DENND1B: variants seen among roughly 807,000 people sequenced by gnomAD.
DENND1B encodes the protein DENN domain containing 1B.
Under a neutral mutation model 90.1 loss-of-function variants are expected in DENND1B, and 59 were observed. The ratio of observed to expected loss-of-function variants is 0.65; its 90% confidence interval spans 0.53 to 0.81. The LOEUF (loss-of-function observed/expected upper bound fraction) is 0.81. DENND1B is among the 40% of genes least tolerant of loss of function. The pLI, the probability that DENND1B is intolerant of heterozygous loss-of-function variation, is 0.00. For synonymous variants in DENND1B, 337 were observed against 324.6 expected (o/e 1.04, Z -0.41); for missense variants, 862 against 912.6 (o/e 0.94, Z 0.71).
At chr1:197,702,111 C>A (rs1352653584) in intron 3 of DENND1B, among the ~76,000 whole-genome samples, 1 of 152,032 alleles carries the variant, frequency 6.6e-6, no homozygotes, top group East Asian at 1.9e-4. Context: ...TGACTAACTT[C>A]TAGAGAGAAA....
intron 18 of DENND1B, among the ~76,000 whole-genome samples, chr1:197,545,013 C>T (rs1408210735): frequency 1.0e-3 from 19 of 18,472 alleles, no homozygotes; most frequent in African/African-American, 7.3e-4. Flanking sequence ...ACGACGACGA[C>T]GACGACGAAA....
At position 197,765,656 on chromosome 1, in the gene DENND1B, G is replaced by A. The variant is rs1300051752; in HGVS notation, c.82+7212C>T. Reference sequence around the variant, plus strand: ...AACAAACTTGCACTGTGGCAACACAGCAGTGACAAAACAACAGTCTTAAAG... The same window carrying A: ...AACAAACTTGCACTGTGGCAACACAACAGTGACAAAACAACAGTCTTAAAG... On this transcript the variant is annotated intron_variant, in intron 2 of 22. Transcript: ENST00000620048. Among the ~76,000 whole-genome samples, 5 of 152,328 alleles carry A rather than the reference G, an allele frequency of 3.3e-5. No homozygotes were observed. The South Asian group carries it at 6.2e-4, about 19-fold the overall frequency.
intron 2 of DENND1B, among the ~76,000 whole-genome samples, chr1:197,766,072 G>T: frequency 6.6e-6 from 1 of 152,142 alleles, no homozygotes; most frequent in African/African-American, 2.4e-5. Context: ...TTCCTGGCTA[G>T]CAGTGCAAAA....
chr1:197,720,138 G>A (rs1401695601), intron 2 of DENND1B, among the ~76,000 whole-genome samples: 4 of 152,030 alleles, frequency 2.6e-5, no homozygotes, highest in Admixed American at 6.6e-5. Flanking sequence ...CTTTTTTGAC[G>A]TGTGCTATTT....
chr1:197,654,675 A>G (rs1653620324), intron 6 of DENND1B, among the ~76,000 whole-genome samples: 1 of 151,992 alleles, frequency 6.6e-6, no homozygotes. Flanking sequence ...CCAAAAGTCC[A>G]GTTACCTTTG....
At chr1:197,668,866 T>C (rs1361658478) in intron 5 of DENND1B, among the ~76,000 whole-genome samples, 1 of 152,094 alleles carries the variant, frequency 6.6e-6, no homozygotes. Context: ...TTATACCATT[T>C]TTTAGTCCTA....
chr1:197,545,008 GACGACGACGACGAA>G (rs1489517930), intron 18 of DENND1B, among the ~76,000 whole-genome samples: 10 of 39,178 alleles, frequency 2.6e-4, no homozygotes, highest in South Asian at 1.2e-3. Context: ...GGAAGACGAC[GACGACGACGACGAA>G]AGAAGGAGGA....
At chr1:197,748,218 T>C (rs1309627306) in intron 2 of DENND1B, among the ~76,000 whole-genome samples, 1 of 105,680 alleles carries the variant, frequency 9.5e-6, no homozygotes, top group Non-Finnish European at 1.8e-5. Flanking sequence ...ATATTCAGCG[T>C]GTAACAAAAA....
intron 9 of DENND1B, among the ~76,000 whole-genome samples, chr1:197,644,412 T>C (rs370261686): frequency 6.6e-6 from 1 of 152,220 alleles, no homozygotes. Flanking sequence ...ATGTGACATT[T>C]GTTAAATCAA....
chr1:197,625,936 T>C (rs1418580232), intron 10 of DENND1B, among the ~76,000 whole-genome samples: 2 of 152,124 alleles, frequency 1.3e-5, no homozygotes, highest in Non-Finnish European at 2.9e-5. Context: ...GGCCATTACA[T>C]AATGGCAAAG....
intron 3 of DENND1B, among the ~76,000 whole-genome samples, chr1:197,678,849 C>T (rs1044802348): frequency 2.0e-5 from 3 of 151,946 alleles, no homozygotes; most frequent in East Asian, 1.9e-4. Context: ...CATCCATGTC[C>T]CTTGGAGAAT....
intron 20 of DENND1B, among the ~76,000 whole-genome samples, chr1:197,517,782 C>T (rs1228389822): frequency 1.3e-5 from 2 of 151,858 alleles, no homozygotes; most frequent in East Asian, 1.9e-4. Flanking sequence ...GCTTCACCTG[C>T]CATAAAGATG....
At chr1:197,716,518 T>C (rs1249021559) in intron 2 of DENND1B, among the ~76,000 whole-genome samples, 1 of 151,806 alleles carries the variant, frequency 6.6e-6, no homozygotes, top group Non-Finnish European at 1.5e-5. Context: ...TGGATAATTA[T>C]ATTCCCAATT....
intron 16 of DENND1B, among the ~76,000 whole-genome samples, chr1:197,550,631 G>T (rs947595402): frequency 6.7e-6 from 1 of 148,156 alleles, no homozygotes; most frequent in Middle Eastern, 3.4e-3. Flanking sequence ...ATGGACACAG[G>T]AAGGGGAACA....
At chr1:197,599,502 G>A (rs1169179952) in intron 13 of DENND1B, among the ~76,000 whole-genome samples, 1 of 151,672 alleles carries the variant, frequency 6.6e-6, no homozygotes, top group Non-Finnish European at 1.5e-5. Context: ...TAACTAAACT[G>A]CTCTCTAAAA....
intron 5 of DENND1B, among the ~76,000 whole-genome samples, chr1:197,662,908 T>C (rs1654560126): frequency 6.6e-6 from 1 of 152,090 alleles, no homozygotes; most frequent in South Asian, 2.1e-4. Context: ...AGTTTGTTCA[T>C]AGGGGCAAAT....
intron 20 of DENND1B, among the ~76,000 whole-genome samples, chr1:197,535,104 C>T (rs1003117796): frequency 9.2e-5 from 14 of 152,138 alleles, no homozygotes; most frequent in Non-Finnish European, 2.1e-4. Flanking sequence ...AAATATAGTA[C>T]CCTAAATTCA....
chr1:197,655,360 G>C (rs1653695667), intron 6 of DENND1B, among the ~76,000 whole-genome samples: 1 of 152,138 alleles, frequency 6.6e-6, no homozygotes, highest in African/African-American at 2.4e-5. Flanking sequence ...AGATAGAACA[G>C]TTCCAATTCT....
chr1:197,655,124 G>C (rs887198644), intron 6 of DENND1B, among the ~76,000 whole-genome samples: 1 of 152,138 alleles, frequency 6.6e-6, no homozygotes, highest in African/African-American at 2.4e-5. Context: ...ATAACATTCT[G>C]TCTTACTATA....
Sources: gnomAD v4.1 joint callset for allele counts (sites outside exome capture counted in the v4.1 genomes callset) on GRCh38, gnomAD v4.1.1 for gene constraint, MANE v1.5 for transcripts, NCBI Gene and HGNC (gene_info 2026-07-23, HGNC 2026-07-21) for gene names.